SLC35A5: variants seen among roughly 807,000 people sequenced by gnomAD.
SLC35A5 encodes UDP-sugar transporter protein SLC35A5.
SLC35A5 carries 28 observed loss-of-function variants against 36.3 expected under a neutral mutation model. That is an observed-to-expected ratio of 0.77 (90% CI 0.57 to 1.06). The LOEUF is 1.06. Among genes scored for constraint, SLC35A5 ranks in the 50% least tolerant of loss-of-function variants. The pLI is 0.00. For missense variants in SLC35A5, 521 were observed against 499.3 expected (o/e 1.04, Z -0.41); for synonymous variants, 180 against 173.7 (o/e 1.04, Z -0.29).
chr3:112,573,451 C>CT, intron 4 of SLC35A5, among the ~76,000 whole-genome samples: 1 of 152,068 alleles, frequency 6.6e-6, no homozygotes, highest in Non-Finnish European at 1.5e-5. Context: ...GATACAATTC[C>CT]TAGAATGGTA....
chr3:112,561,365 C>A, upstream of SLC35A5: 8 of 1,364,506 alleles, frequency 5.9e-6, 1 homozygote, highest in South Asian at 9.5e-5. Flanking sequence ...TACACCTTGC[C>A]CCGCCGGAGA....
In SLC35A5 at chr3:112,570,550, T is replaced by C; in HGVS notation, c.240T>C (p.Ser80=). 2 of 1,606,156 alleles carry C rather than the reference T, an allele frequency of 1.2e-6. No individual in the cohort carries two copies. The highest frequency in any genetic ancestry group is 2.2e-5 in the East Asian group (1 of 44,682). The change falls in exon 4 of 7, where the codon AGT becomes AGC. Residue 80 remains serine (S), a synonymous_variant. Coordinates refer to ENST00000492406, the MANE Select transcript of SLC35A5 (RefSeq NM_017945.5). ...SFCVIKKDHQ[S]RNLKYASWKE... is the part of the protein sequence containing the mutation. The stretch of plus-strand genomic sequence containing the variant: ...GTGTTTCTTTCTAAGATCATCAAAG[T>C]AGAAATTTGAAATATGCTTCCTGGA...
chr3:112,566,964 C>T (rs557680302), intron 2 of SLC35A5, among the ~76,000 whole-genome samples: 7 of 152,246 alleles, frequency 4.6e-5, no homozygotes, highest in East Asian at 1.9e-4. Context: ...TGGTGGCTCA[C>T]GCCTATAATC....
intron 2 of SLC35A5, among the ~76,000 whole-genome samples, chr3:112,565,935 A>G (rs570884741): frequency 1.3e-5 from 2 of 152,302 alleles, no homozygotes; most frequent in Non-Finnish European, 2.9e-5. Flanking sequence ...TACTTGAAGG[A>G]TTATAAATAG....
rs1457234650 is a variant in SLC35A5, at chr3:112,582,701, C to G, written c.1240C>G (p.Pro414Ala). 6.2e-6 allele frequency: 10 copies of G among 1,612,664 alleles called. No homozygotes were observed. Among genetic ancestry groups the G allele is most frequent in the Non-Finnish European group, 5.9e-6 (7 of 1,179,156 alleles). ...AGAAGAACTAGAAAGACTTACCAAA[C>G]CCAAGAGTGATGAGTCAGATGAAGA... is the stretch of plus-strand genomic sequence containing the variant. ...DGEELERLTK[P>A]KSDESDEDTF The change falls in exon 7 of 7, where the codon CCC becomes GCC. Residue 414 changes from proline (P) to alanine (A), a missense_variant. By Grantham distance (27) the Pro-to-Ala change is conservative. Coordinates refer to ENST00000492406, the MANE Select transcript of SLC35A5 (RefSeq NM_017945.5).
intron 4 of SLC35A5, among the ~76,000 whole-genome samples, chr3:112,571,185 C>T (rs1442007585): frequency 6.6e-6 from 1 of 152,202 alleles, no homozygotes; most frequent in Non-Finnish European, 1.5e-5. Context: ...GTCCTCCCAA[C>T]TAGAAATGCC....
Position 112,582,704 on chromosome 3 carries a change from A to C in SLC35A5, c.1243A>C (p.Lys415Gln), listed in dbSNP as rs780945610. ...AGAACTAGAAAGACTTACCAAACCC[A>C]AGAGTGATGAGTCAGATGAAGATAC... ...GEELERLTKP[K>Q]SDESDEDTF The change falls in exon 7 of 7, where the codon AAG becomes CAG. Residue 415 changes from lysine to glutamine, a missense_variant. Physicochemically the swap from Lys to Gln is moderately conservative, Grantham distance 53 (BLOSUM62 1). Coordinates refer to ENST00000492406, the MANE Select transcript of SLC35A5 (RefSeq NM_017945.5). 3 of 1,612,910 alleles carry C rather than the reference A, an allele frequency of 1.9e-6. No individual in the cohort carries two copies. The highest frequency in any genetic ancestry group is 2.5e-6 in the Non-Finnish European group (3 of 1,179,212).
intron 1 of SLC35A5, 48 bp from the exon 2 acceptor site, chr3:112,563,337 T>G: frequency 7.2e-7 from 1 of 1,395,056 alleles, no homozygotes; most frequent in East Asian, 2.6e-5. Flanking sequence ...GTATTTGCGT[T>G]TAGGGTCTGC....
chr3:112,578,798 A>G (rs1377697795), intron 5 of SLC35A5, among the ~76,000 whole-genome samples: 1 of 152,184 alleles, frequency 6.6e-6, no homozygotes, highest in Non-Finnish European at 1.5e-5. Flanking sequence ...TAAAGGAACT[A>G]TAGATTATAT....
intron 4 of SLC35A5, 86 bp downstream of exon 4, chr3:112,570,756 G>C: frequency 7.5e-7 from 1 of 1,338,710 alleles, no homozygotes; most frequent in East Asian, 2.6e-5. Context: ...ATTTTTGTTG[G>C]CATTGTTAGT....
At position 112,580,776 on chromosome 3, in the gene SLC35A5, C is replaced by T. The variant is rs746790864; in HGVS notation, c.659C>T (p.Thr220Ile). The T allele has an allele frequency of 1.2e-6, 2 of 1,614,062 alleles. No individual in the cohort carries two copies. Among genetic ancestry groups the T allele is most frequent in the African/African-American group, 1.3e-5 (1 of 74,932 alleles). The part of the protein sequence containing the change: ...WTFPEAKWNT[T>I]ARVFSHIRLG... Reference sequence around the variant, plus strand: ...TTTCCTGAAGCTAAATGGAACACCACAGCCAGAGTTTTCAGTCACATCCGT... The same window carrying T: ...TTTCCTGAAGCTAAATGGAACACCATAGCCAGAGTTTTCAGTCACATCCGT... The change falls in exon 6 of 7, where the codon ACA (threonine) becomes ATA (isoleucine). Residue 220 changes from threonine to isoleucine, a missense_variant. Thr to Ile is a moderately conservative substitution (Grantham distance 89, BLOSUM62 -1). Transcript: ENST00000492406.
In SLC35A5 at chr3:112,581,332, T is replaced by TCC. The variant is rs765054528; in HGVS notation, c.1209+6_1209+7insCC. 11 of 1,572,954 alleles carry TCC rather than the reference T, an allele frequency of 7.0e-6. No individual in the cohort carries two copies. Among genetic ancestry groups the TCC allele is most frequent in the Admixed American group, 2.0e-5 (1 of 50,458 alleles). ...TTTGGGAGCGTTCCAGTGGGGTAAG[T>TCC]TTGTGAGGGTGTTCCTTTTTGCTTG... On this transcript the variant is annotated splice_region_variant and intron_variant, in intron 6 of 6. Transcript: ENST00000492406.
At chr3:112,561,453 T>TTACC (rs1408328140), upstream of SLC35A5, 1 of 1,612,102 alleles carries the variant, frequency 6.2e-7, no homozygotes, top group African/African-American at 1.3e-5. Context: ...CTGGCCTGGC[T>TTACC]TACCTTGAGG....
At chr3:112,572,693 C>CT (rs1934499989) in intron 4 of SLC35A5, among the ~76,000 whole-genome samples, 1 of 152,174 alleles carries the variant, frequency 6.6e-6, no homozygotes, top group African/African-American at 2.4e-5. Context: ...ATTGCTGTGC[C>CT]TGAGCCTATT....
chr3:112,577,777 C>T (rs1934734929), intron 5 of SLC35A5, among the ~76,000 whole-genome samples: 1 of 152,168 alleles, frequency 6.6e-6, no homozygotes, highest in Non-Finnish European at 1.5e-5. Flanking sequence ...AGAAGTGCCA[C>T]TCAGTAGTAG....
Position 112,574,107 on chromosome 3 carries a change from A to G in SLC35A5, c.428+151A>G, listed in dbSNP as rs1934571572. 24 of 583,544 alleles carry G rather than the reference A, an allele frequency of 4.1e-5. No homozygotes were observed. In the South Asian group the frequency reaches 5.0e-4, roughly 12 times the overall value. The allele number at this position is 583,544 out of a possible 1,614,324, so 36.1% of individuals were successfully genotyped here. ...TGTACTGGGCACGTTTAAGCCATGT[A>G]GAAAGCAGCTCCAGTGCTAGTCCAT... On this transcript the variant is annotated intron_variant, in intron 5 of 6. Coordinates refer to ENST00000492406, the MANE Select transcript of SLC35A5 (RefSeq NM_017945.5).
intron 5 of SLC35A5, among the ~76,000 whole-genome samples, chr3:112,575,485 T>C (rs1470194795): frequency 6.6e-6 from 1 of 152,070 alleles, no homozygotes; most frequent in African/African-American, 2.4e-5. Flanking sequence ...AGTTTAAATC[T>C]AAATCTATTT....
chr3:112,563,571 T>C, intron 2 of SLC35A5, 38 bp downstream of exon 2: 1 of 1,520,520 alleles, frequency 6.6e-7, no homozygotes. Context: ...AGCACTTCCA[T>C]CTAATCACAC....
intron 3 of SLC35A5, 118 bp from the exon 4 acceptor site, chr3:112,570,422 T>C (rs1934385702): frequency 8.7e-7 from 1 of 1,143,482 alleles, no homozygotes; most frequent in South Asian, 1.7e-5. Flanking sequence ...AGTAATGAAA[T>C]GGAGGCACGT....
Sources: gnomAD v4.1 joint callset for allele counts (sites outside exome capture counted in the v4.1 genomes callset) on GRCh38, gnomAD v4.1.1 for gene constraint, MANE v1.5 for transcripts, NCBI Gene and HGNC (gene_info 2026-07-23, HGNC 2026-07-21) for gene names.